Variants in F11R observed in about 807,000 individuals in gnomAD.
F11R encodes the protein junctional adhesion molecule A.
In F11R, 27 loss-of-function variants were observed where a neutral mutation model predicts 39.3. The ratio of observed to expected loss-of-function variants is 0.69; its 90% confidence interval spans 0.51 to 0.95. The LOEUF is 0.95. Among genes scored for constraint, F11R ranks in the 40% least tolerant of loss-of-function variants. The pLI is 0.00. For missense variants in F11R, 335 were observed against 372.7 expected (o/e 0.90, Z 0.83); for synonymous variants, 131 against 144.9 (o/e 0.90, Z 0.69).
intron 1 of F11R, among the ~76,000 whole-genome samples, chr1:161,003,885 C>T (rs1648641713): frequency 6.6e-6 from 1 of 151,990 alleles, no homozygotes; most frequent in Non-Finnish European, 1.5e-5. Context: ...CTGCCTCGGC[C>T]TCCCTAGTAG....
At chr1:160,999,578 A>G in intron 7 of F11R, 62 bp downstream of exon 7, 1 of 1,520,044 alleles carries the variant, frequency 6.6e-7, no homozygotes, top group South Asian at 1.1e-5. Context: ...CTCAGATGAC[A>G]CCCATGCCAG....
In F11R at chr1:160,997,568, C is replaced by G. The variant is rs1648201679; in HGVS notation, c.*1303G>C. ...CCTTGAGATAAGAACCAGGAAGGGG[C>G]AGGACCAGGCACTGGGAACCAGCCC... On this transcript the variant is annotated 3_prime_UTR_variant, in exon 10 of 10. Transcript: ENST00000368026. The G allele has an allele frequency of 6.5e-6, 1 of 152,734 alleles. No homozygotes were observed. Among genetic ancestry groups the G allele is most frequent in the Admixed American group, 6.5e-5 (1 of 15,268 alleles). The allele number at this position is 152,734 out of a possible 1,614,324, so 9.5% of individuals were successfully genotyped here.
At chr1:161,001,931 A>C (rs1417655835) in intron 1 of F11R, among the ~76,000 whole-genome samples, 1 of 152,210 alleles carries the variant, frequency 6.6e-6, no homozygotes, top group East Asian at 1.9e-4. Flanking sequence ...TCCCGAGTTT[A>C]CATGAGGAAC....
chr1:161,002,080 A>G (rs535880266), intron 1 of F11R, among the ~76,000 whole-genome samples: 1 of 152,138 alleles, frequency 6.6e-6, no homozygotes, highest in Admixed American at 6.5e-5. Flanking sequence ...CCTGGCCAAT[A>G]TGGTGAAACC....
intron 4 of F11R, 80 bp downstream of exon 4, chr1:161,000,551 C>G: frequency 6.3e-7 from 1 of 1,586,178 alleles, no homozygotes; most frequent in Non-Finnish European, 8.6e-7. Context: ...TTCTCACCAT[C>G]AAAGAGCTCC....
intron 1 of F11R, among the ~76,000 whole-genome samples, chr1:161,008,155 G>A (rs1648930351): frequency 6.9e-6 from 1 of 144,632 alleles, no homozygotes; most frequent in Non-Finnish European, 1.6e-5. Flanking sequence ...AAAGTTAAAG[G>A]CATCAATAGA....
Position 160,998,570 on chromosome 1 carries a change from G to A in F11R, c.*301C>T, listed in dbSNP as rs1648263568. On this transcript the variant is annotated 3_prime_UTR_variant, in exon 10 of 10. Coordinates refer to ENST00000368026, the MANE Select transcript of F11R (RefSeq NM_016946.6). ...TCCTGCGACCCCCGCCATTTTTGCT[G>A]TCTACTTAGAAGGGAAGTCAATGGC... 2 of 544,282 alleles carry A rather than the reference G, an allele frequency of 3.7e-6. No homozygotes were observed. Among genetic ancestry groups the A allele is most frequent in the African/African-American group, 1.9e-5 (1 of 52,898 alleles). 33.7% of individuals were successfully genotyped at this position (544,282 alleles called of 1,614,324 possible). A position where few individuals can be genotyped will look rare whatever the true frequency, so the allele number is the denominator to read the frequency against.
Position 160,997,605 on chromosome 1 carries a change from G to C in F11R, c.*1266C>G, listed in dbSNP as rs962619708. The stretch of plus-strand genomic sequence containing the variant: ...CTGGGAACCAGCCCCAGGTTGCTGG[G>C]AAGCAAGGCTTTGAGGCATTTTCCT... On this transcript the variant is annotated 3_prime_UTR_variant, in exon 10 of 10. Transcript: ENST00000368026. 6.5e-6 allele frequency: 1 copy of C among 152,770 alleles called. No individual in the cohort carries two copies. Among genetic ancestry groups the C allele is most frequent in the African/African-American group, 2.4e-5 (1 of 41,452 alleles). The allele number at this position is 152,770 out of a possible 1,614,324, so 9.5% of individuals were successfully genotyped here.
At chr1:161,005,964 C>A (rs1648780042) in intron 1 of F11R, among the ~76,000 whole-genome samples, 1 of 152,012 alleles carries the variant, frequency 6.6e-6, no homozygotes, top group Non-Finnish European at 1.5e-5. Flanking sequence ...TATGGCGAAA[C>A]CCCATCTCTA....
chr1:161,007,240 C>G, intron 1 of F11R, among the ~76,000 whole-genome samples: 1 of 150,496 alleles, frequency 6.6e-6, no homozygotes, highest in Non-Finnish European at 1.5e-5. Context: ...CCAAGGCGGG[C>G]AGATCACCTG....
At chr1:161,020,004 C>T (rs536295972) in intron 1 of F11R, among the ~76,000 whole-genome samples, 23 of 152,170 alleles carry the variant, frequency 1.5e-4, no homozygotes, top group African/African-American at 5.5e-4. Context: ...AAAACAAGAA[C>T]CTTGGGGGTG....
At position 161,000,664 on chromosome 1, in the gene F11R, A is replaced by G. The variant is rs770217268; in HGVS notation, c.355T>C (p.Tyr119His). 6 of 1,614,172 alleles carry G rather than the reference A, an allele frequency of 3.7e-6. No homozygotes were observed. Among genetic ancestry groups the G allele is most frequent in the Non-Finnish European group, 5.1e-6 (6 of 1,180,030 alleles). The part of the protein sequence containing the change: ...CMVSEEGGNS[Y>H]GEVKVKLIVL... ...ATGAGCTTGACCTTGACCTCCCCATAGCTGTTGCCGCCTTCCTCAGAGACC... is the reference window on the plus strand; with the variant it reads ...ATGAGCTTGACCTTGACCTCCCCATGGCTGTTGCCGCCTTCCTCAGAGACC... The change falls in exon 4 of 10, where the codon TAT becomes CAT. Residue 119 changes from tyrosine (Y) to histidine (H), a missense_variant. Coordinates refer to ENST00000368026, the MANE Select transcript of F11R (RefSeq NM_016946.6).
chr1:161,018,390 C>T (rs1453804321), intron 1 of F11R, among the ~76,000 whole-genome samples: 4 of 152,190 alleles, frequency 2.6e-5, no homozygotes, highest in South Asian at 2.1e-4. Flanking sequence ...AAGCTAGACA[C>T]CCAAGAAAAA....
intron 7 of F11R, 66 bp downstream of exon 7, chr1:160,999,574 T>A: frequency 6.6e-7 from 1 of 1,523,462 alleles, no homozygotes; most frequent in Non-Finnish European, 9.1e-7. Context: ...AGTACTCAGA[T>A]GACACCCATG....
At chr1:161,002,283 A>C (rs1648540326) in intron 1 of F11R, among the ~76,000 whole-genome samples, 2 of 147,398 alleles carry the variant, frequency 1.4e-5, no homozygotes, top group South Asian at 4.3e-4. Context: ...AAAAAAAAAA[A>C]CACACAACTG....
Position 160,998,699 on chromosome 1 carries a change from G to A in F11R, c.*172C>T, listed in dbSNP as rs528185113. The A allele has an allele frequency of 7.8e-6, 5 of 643,382 alleles. No homozygotes were observed. The highest frequency in any genetic ancestry group is 1.9e-5 in the South Asian group (1 of 52,086). 39.9% of individuals were successfully genotyped at this position (643,382 alleles called of 1,614,324 possible). A position where few individuals can be genotyped will look rare whatever the true frequency, so the allele number is the denominator to read the frequency against. On this transcript the variant is annotated 3_prime_UTR_variant, in exon 10 of 10. Transcript: ENST00000368026. ...GTAGGAAAGGGAGGGAGGGCATGAA[G>A]GAGGATGGGGCACATAGCTGACATT...
At chr1:161,001,163 C>A (rs554673048) in intron 2 of F11R, 36 bp from the exon 3 acceptor site, 2 of 1,606,364 alleles carry the variant, frequency 1.2e-6, no homozygotes, top group Non-Finnish European at 1.7e-6. Flanking sequence ...AAGGAAGAAG[C>A]AGCAGCAAAT....
At chr1:161,002,901 A>G (rs1310633472) in intron 1 of F11R, among the ~76,000 whole-genome samples, 1 of 150,824 alleles carries the variant, frequency 6.6e-6, no homozygotes, top group Non-Finnish European at 1.5e-5. Flanking sequence ...ATAAGAGACT[A>G]AAGATATAGG....
At position 160,999,384 on chromosome 1, in the gene F11R, C is replaced by T. The variant is rs201778937; in HGVS notation, c.815+12G>A. On this transcript the variant is annotated intron_variant, in intron 8 of 9. Transcript: ENST00000368026. ...TCAAACTTGGAGAACCCCAGGACAG[C>T]ACCTCACTCACCCTTTCTTTGTTCC... 2.4e-5 allele frequency: 39 copies of T among 1,614,244 alleles called. No homozygotes were observed. The highest frequency in any genetic ancestry group is 3.2e-5 in the Non-Finnish European group (38 of 1,180,040).
Sources: gnomAD v4.1 joint callset for allele counts (sites outside exome capture counted in the v4.1 genomes callset) on GRCh38, gnomAD v4.1.1 for gene constraint, MANE v1.5 for transcripts, NCBI Gene and HGNC (gene_info 2026-07-23, HGNC 2026-07-21) for gene names.